NRXN2: variants seen among roughly 807,000 people sequenced by gnomAD.
The protein encoded by NRXN2 is neurexin-2-beta.
In NRXN2, 29 loss-of-function variants were observed where a neutral mutation model predicts 128.8. The ratio of observed to expected loss-of-function variants is 0.23; its 90% CI spans 0.17 to 0.31. The LOEUF (loss-of-function observed/expected upper bound fraction) is 0.31. Among genes scored for constraint, NRXN2 ranks in the 10% least tolerant of loss-of-function variants. The pLI, the probability that NRXN2 is intolerant of heterozygous loss-of-function variation, is 1.00. For missense variants in NRXN2, 1,881 were observed against 2,452.6 expected, an observed-to-expected ratio of 0.77 and a Z score of 4.92; for synonymous variants, 1,098 against 1,075.2, an observed-to-expected ratio of 1.02 and a Z score of -0.41.
intron 2 of NRXN2, among the ~76,000 whole-genome samples, chr11:64,702,006 G>A (rs2055496184): frequency 6.7e-6 from 1 of 148,964 alleles, no homozygotes; most frequent in African/African-American, 2.5e-5. Flanking sequence ...GGAGGTGGGG[G>A]GGGTCAGCCC....
chr11:64,664,474 G>A (rs1413574307), intron 9 of NRXN2, among the ~76,000 whole-genome samples: 11 of 125,050 alleles, frequency 8.8e-5, no homozygotes, highest in African/African-American at 3.0e-4. Context: ...GCGAAACTCC[G>A]TGTCAAAAAA....
At chr11:64,642,987 C>T in intron 17 of NRXN2, 1 of 1,011,362 alleles carries the variant, frequency 9.9e-7, no homozygotes, top group Non-Finnish European at 1.2e-6. Context: ...GCCGGGAAAT[C>T]GGGGGTCCGC....
At chr11:64,650,712 T>C (rs1041216758) in intron 14 of NRXN2, 74 bp from the exon 15 acceptor site, 14 of 1,442,910 alleles carry the variant, frequency 9.7e-6, no homozygotes, top group Admixed American at 1.7e-5. Flanking sequence ...GGAGGAGCTA[T>C]GGCTGGCAGG....
At position 64,623,447 on chromosome 11, in the gene NRXN2, CA is replaced by C. The variant is rs1389067383; in HGVS notation, c.3848-370del. On this transcript the variant is annotated intron_variant, in intron 20 of 22. Coordinates refer to ENST00000265459, the MANE Select transcript of NRXN2 (RefSeq NM_015080.4). The surrounding 1 kb of genome is among the most constrained non-coding windows in gnomAD (Gnocchi z 4.9). ...TCATCCTCTTCCCTCAGTCCATCCC[CA>C]TCTTCTCCCTCTGCTTCCCCAAACA... The C allele has an allele frequency of 3.3e-6, 1 of 304,122 alleles. No individual in the cohort carries two copies. The highest frequency in any genetic ancestry group is 2.1e-5 in the African/African-American group (1 of 46,600). The allele number at this position is 304,122 out of a possible 1,614,324, so 18.8% of individuals were successfully genotyped here. A position where few individuals can be genotyped will look rare whatever the true frequency, so the allele number is the denominator to read the frequency against.
Position 64,631,809 on chromosome 11 carries a change from G to A in NRXN2, c.3586-1236C>T, listed in dbSNP as rs917317222. Among the ~76,000 whole-genome samples the A allele has an allele frequency of 1.3e-5, 2 of 152,052 alleles. No individual in the cohort carries two copies. The highest frequency in any genetic ancestry group is 6.5e-5 in the Admixed American group (1 of 15,280). ...ACCAAAGGCATCTAACCAAGCCAAC[G>A]AAGGCCCATTAGGTACTAAGCCTGA... On this transcript the variant is annotated intron_variant, in intron 18 of 22. Coordinates refer to ENST00000265459, the MANE Select transcript of NRXN2 (RefSeq NM_015080.4). The surrounding 1 kb of genome is among the most constrained non-coding windows in gnomAD (Gnocchi z 4.8).
In NRXN2 at chr11:64,660,219, T is replaced by TGAG; in HGVS notation, c.2389+112_2389+113insCTC. ...GGCTGGCGCCTCCCCACCTCCAAAC[T>TGAG]CTGCTGAGGGCACCTCTTGCTGGTG... On this transcript the variant is annotated intron_variant, in intron 11 of 22. Transcript: ENST00000265459. This position sits in a 1 kb window ranked among gnomAD's most constrained non-coding sequence, Gnocchi z 5.2. 8.1e-7 allele frequency: 1 copy of TGAG among 1,241,522 alleles called. No homozygotes were observed. Among genetic ancestry groups the TGAG allele is most frequent in the African/African-American group, 1.5e-5 (1 of 67,756 alleles). The allele number at this position is 1,241,522 out of a possible 1,614,324, so 76.9% of individuals were successfully genotyped here. A position where few individuals can be genotyped will look rare whatever the true frequency, so the allele number is the denominator to read the frequency against.
chr11:64,713,154 C>G lies in NRXN2; in HGVS notation c.546G>C (p.Leu182=). Residue 182 remains leucine, a synonymous_variant, in exon 2 of 23, where the codon CTG becomes CTC. Transcript: ENST00000265459. ...GCGCGGGGGGCCGCTCGCCCAGCTTCAGGTTGGCCAAGAGGCCGCGGAAGG... is the reference window on the plus strand; with the variant it reads ...GCGCGGGGGGCCGCTCGCCCAGCTTGAGGTTGGCCAAGAGGCCGCGGAAGG... ...EPPFRGLLAN[L]KLGERPPALL... is the part of the protein sequence containing the mutation. 1 of 1,452,092 alleles carries G rather than the reference C, an allele frequency of 6.9e-7. No individual in the cohort carries two copies. The highest frequency in any genetic ancestry group is 9.1e-7 in the Non-Finnish European group (1 of 1,104,110). 90.0% of individuals were successfully genotyped at this position (1,452,092 alleles called of 1,614,324 possible).
chr11:64,693,790 A>G (rs1302296437), intron 3 of NRXN2, among the ~76,000 whole-genome samples: 2 of 152,184 alleles, frequency 1.3e-5, no homozygotes, highest in Non-Finnish European at 2.9e-5. Flanking sequence ...AGCAAGGTCC[A>G]AAGAGGACAG....
Position 64,620,800 on chromosome 11 carries a change from G to T in NRXN2, c.4174-428C>A, listed in dbSNP as rs868058015. Among the ~76,000 whole-genome samples, 6 of 150,330 alleles carry T rather than the reference G, an allele frequency of 4.0e-5. No individual in the cohort carries two copies. The South Asian group carries it at 1.3e-3, about 32-fold the overall frequency. The stretch of plus-strand genomic sequence containing the variant: ...GGGCCAGGCCCTGGAGGGTTTCCTG[G>T]CTCCAGCTTCACCACCCATCACCCC... On this transcript the variant is annotated intron_variant, in intron 21 of 22. Transcript: ENST00000265459.
At position 64,655,703 on chromosome 11, in the gene NRXN2, C is replaced by G. The variant is rs146252467; in HGVS notation, c.2390-1981G>C. 9.6e-4 allele frequency among the ~76,000 whole-genome samples: 146 copies of G among 152,288 alleles called. No homozygotes were observed. In the East Asian group the frequency reaches 0.01, roughly 11 times the overall value. On this transcript the variant is annotated intron_variant, in intron 11 of 22. Transcript: ENST00000265459. ...AGAGGTGTCAGCTCCAGGCCCACCC[C>G]TGCAGAGACTCCACCCTCAGAAACA...
At chr11:64,699,420 G>GTT (rs1592201705) in intron 2 of NRXN2, among the ~76,000 whole-genome samples, 1 of 51,606 alleles carries the variant, frequency 1.9e-5, no homozygotes. Context: ...ATGTCTAATA[G>GTT]TTTTCTTTTT....
chr11:64,683,657 C>T (rs898559924), intron 6 of NRXN2, among the ~76,000 whole-genome samples: 2 of 151,988 alleles, frequency 1.3e-5, no homozygotes, highest in Admixed American at 1.3e-4. Context: ...GAAATTCCCC[C>T]AGAATCCCTT....
intron 4 of NRXN2, among the ~76,000 whole-genome samples, chr11:64,691,053 C>G (rs2053746520): frequency 6.6e-6 from 1 of 152,318 alleles, no homozygotes; most frequent in Middle Eastern, 3.4e-3. Context: ...CACCTTGAGG[C>G]CATCCACACC....
rs781616745 is a variant in NRXN2, at chr11:64,667,359, G to A, written c.1689C>T (p.Leu563=). The A allele has an allele frequency of 5.0e-6, 8 of 1,614,218 alleles. No individual in the cohort carries two copies. The South Asian group carries it at 8.8e-5, about 18-fold the overall frequency. ...CAGATCCCATGTCCAGCAGAAGATA[G>A]AGGTGGCCGTCCAATAGCTCCATGG... The part of the protein sequence containing the change: ...YFAMELLDGH[L]YLLLDMGSGG... The change falls in exon 9 of 23, where the codon CTC becomes CTT. Residue 563 remains leucine, a synonymous_variant. Transcript: ENST00000265459. This position sits in a 1 kb window ranked among gnomAD's most constrained non-coding sequence, Gnocchi z 5.6.
At position 64,710,154 on chromosome 11, in the gene NRXN2, C is replaced by T. The variant is rs575713864; in HGVS notation, c.730+2816G>A. Among the ~76,000 whole-genome samples the T allele has an allele frequency of 4.6e-5, 7 of 152,150 alleles. No individual in the cohort carries two copies. The East Asian group carries it at 7.7e-4, about 17-fold the overall frequency. ...AACTCCCGACCTCAAGTAATCTGCC[C>T]GCTTCAGCCTCCCAAAGTGCTGGGA... On this transcript the variant is annotated intron_variant, in intron 2 of 22. Transcript: ENST00000265459.
At chr11:64,612,103 A>C (rs1044910925) in intron 22 of NRXN2, among the ~76,000 whole-genome samples, 1 of 152,112 alleles carries the variant, frequency 6.6e-6, no homozygotes, top group African/African-American at 2.4e-5. Flanking sequence ...TGGGGCAATC[A>C]AGTCACCTAA....
In NRXN2 at chr11:64,660,477, G is replaced by A. The variant is rs775517154; in HGVS notation, c.2244C>T (p.Ala748=). The A allele has an allele frequency of 1.2e-6, 2 of 1,614,222 alleles. No individual in the cohort carries two copies. The highest frequency in any genetic ancestry group is 1.7e-6 in the Non-Finnish European group (2 of 1,180,038). ...SMYMKIMLPN[A]MHTEAEDVSL... ...ACACATCCTCTGCCTCCGTGTGCAT[G>A]GCGTTAGGCAGCATGATCTTCATGT... The change falls in exon 11 of 23, where the codon GCC becomes GCT. Residue 748 remains alanine, a synonymous_variant. Coordinates refer to ENST00000265459, the MANE Select transcript of NRXN2 (RefSeq NM_015080.4). The surrounding 1 kb of genome is among the most constrained non-coding windows in gnomAD (Gnocchi z 5.2).
At chr11:64,691,764 T>G (rs1398416307) in intron 4 of NRXN2, among the ~76,000 whole-genome samples, 1 of 152,252 alleles carries the variant, frequency 6.6e-6, no homozygotes, top group African/African-American at 2.4e-5. Context: ...TTGCCATAAT[T>G]CCACATCCCT....
intron 19 of NRXN2, among the ~76,000 whole-genome samples, chr11:64,628,283 C>T (rs79177695): frequency 0.018 from 2,666 of 152,236 alleles, 64 homozygotes; most frequent in African/African-American, 0.059. Context: ...CAAGGTTACA[C>T]GCTTGTCAGT....
Sources: gnomAD v4.1 joint callset for allele counts (sites outside exome capture counted in the v4.1 genomes callset) on GRCh38, gnomAD v4.1.1 for gene constraint, Gnocchi (gnomAD v3.1) non-coding constraint, MANE v1.5 for transcripts, NCBI Gene and HGNC (gene_info 2026-07-23, HGNC 2026-07-21) for gene names.